Variants in USP42 observed in about 807,000 individuals in gnomAD.
USP42 encodes the protein ubiquitin specific peptidase 42.
In USP42, 23 loss-of-function variants were observed where a neutral mutation model predicts 113.0. That is an observed-to-expected ratio of 0.20 (90% CI 0.15 to 0.29). The LOEUF is 0.29. Among genes scored for constraint, USP42 ranks in the 10% least tolerant of loss-of-function variants. The pLI is 1.00. For missense variants in USP42, 2,174 were observed against 1,779.8 expected (o/e 1.22, Z -3.99); for synonymous variants, 933 against 699.0 (o/e 1.33, Z -5.28).
intron 3 of USP42, among the ~76,000 whole-genome samples, chr7:6,130,921 C>T (rs1171356746): frequency 6.6e-6 from 1 of 152,056 alleles, no homozygotes; most frequent in Non-Finnish European, 1.5e-5. Context: ...CAGGGTAGGG[C>T]AGGGGGAAGA....
chr7:6,086,202 AT>A, the USP42 span, among the ~76,000 whole-genome samples: 1,211 of 122,638 alleles, frequency 9.9e-3, 10 homozygotes, highest in Middle Eastern at 0.034. Context: ...CACCTGGCTA[AT>A]TTTTTTTTTT....
At chr7:6,149,393 CTA>C (rs1160257296) in intron 12 of USP42, among the ~76,000 whole-genome samples, 188 bp from the exon 13 acceptor site, 1 of 151,450 alleles carries the variant, frequency 6.6e-6, no homozygotes. Flanking sequence ...TGCCAGAAAA[CTA>C]GGGCCTGTGG....
At chr7:6,084,071 G>C in the USP42 span, among the ~76,000 whole-genome samples, 1 of 151,320 alleles carries the variant, frequency 6.6e-6, no homozygotes, top group Non-Finnish European at 1.5e-5. Context: ...CTGTCACCCA[G>C]GCTGGAGTGC....
intron 1 of USP42, among the ~76,000 whole-genome samples, chr7:6,108,265 C>T (rs1033057094): frequency 6.6e-6 from 1 of 152,082 alleles, no homozygotes; most frequent in African/African-American, 2.4e-5. Context: ...TGGCCAGGTT[C>T]TGTGGCTCAT....
chr7:6,109,423 G>A (rs1779469512), intron 1 of USP42, among the ~76,000 whole-genome samples: 1 of 152,136 alleles, frequency 6.6e-6, no homozygotes, highest in Non-Finnish European at 1.5e-5. Flanking sequence ...TTGAGGCAGA[G>A]TCTCTCTATG....
Position 6,156,666 on chromosome 7 carries a change from G to A in USP42, c.3642-88G>A, listed in dbSNP as rs544309817. 57 of 1,447,260 alleles carry A rather than the reference G, an allele frequency of 3.9e-5. 1 individual carries two copies. The South Asian group carries it at 7.1e-4, about 18-fold the overall frequency. 89.7% of individuals were successfully genotyped at this position (1,447,260 alleles called of 1,614,324 possible). On this transcript the variant is annotated intron_variant, in intron 15 of 17. Transcript: ENST00000306177. ...GCGTGTCTGCACAGTGAATGTTCTC[G>A]GTGAATGGGTGGAAAGGCCAAGCTC...
chr7:6,150,494 C>T lies in USP42; in HGVS notation c.2189C>T (p.Thr730Met), dbSNP rs117155332. The T allele has an allele frequency of 1.9e-4, 307 of 1,613,866 alleles. No homozygotes were observed. Among genetic ancestry groups the T allele is most frequent in the Non-Finnish European group, 2.3e-4 (266 of 1,179,822 alleles). The change falls in exon 14 of 18, where the codon ACG becomes ATG. Residue 730 changes from threonine to methionine, a missense_variant. Transcript: ENST00000306177. ...FRLSNKLKGS[T>M]DEMSAPGAER... ...CTTAGCAACAAACTGAAAGGCTCGA[C>T]GGATGAAATGAGGTAACGTAAGAGT...
rs542970015 is a variant in USP42, at chr7:6,126,139, C to A, written c.443-9702C>A. Among the ~76,000 whole-genome samples, 7 of 152,330 alleles carry A rather than the reference C, an allele frequency of 4.6e-5. No homozygotes were observed. In the South Asian group the frequency reaches 6.2e-4, roughly 14 times the overall value. On this transcript the variant is annotated intron_variant, in intron 3 of 17. Transcript: ENST00000306177. ...CATTTCTATGATTTTGTCATTTCAA[C>A]AGTGTTACGTGAATTATATAGTATG...
In USP42 at chr7:6,157,174, A is replaced by G. The variant is rs1218257274; in HGVS notation, c.3943+119A>G. On this transcript the variant is annotated intron_variant, in intron 16 of 17. Transcript: ENST00000306177. The surrounding 1 kb of genome is among the most constrained non-coding windows in gnomAD (Gnocchi z 4.1). ...GTGGCATCAAAGGGCACAGTTACTC[A>G]GAGCACCCCTGCCCTGCCTGGTCTG... is the stretch of plus-strand genomic sequence containing the variant. The G allele has an allele frequency of 3.3e-5, 48 of 1,439,532 alleles. No homozygotes were observed. The East Asian group carries it at 1.2e-3, about 35-fold the overall frequency. The allele number at this position is 1,439,532 out of a possible 1,614,324, so 89.2% of individuals were successfully genotyped here.
chr7:6,114,904 A>G (rs1779831271), intron 2 of USP42, among the ~76,000 whole-genome samples: 1 of 151,258 alleles, frequency 6.6e-6, no homozygotes, highest in Non-Finnish European at 1.5e-5. Context: ...GTTAGCCAGG[A>G]TGGTCTCGAT....
At chr7:6,109,320 T>C (rs1219231683) in intron 1 of USP42, among the ~76,000 whole-genome samples, 1 of 152,096 alleles carries the variant, frequency 6.6e-6, no homozygotes, top group Non-Finnish European at 1.5e-5. Flanking sequence ...GGTCAGACAA[T>C]GTGAAGTCCA....
chr7:6,095,234 C>A, the USP42 span, among the ~76,000 whole-genome samples: 10 of 151,186 alleles, frequency 6.6e-5, no homozygotes, highest in Non-Finnish European at 1.0e-4. Flanking sequence ...TGGGTCAGGA[C>A]CAAAGGTATT....
At chr7:6,143,087 G>A in intron 8 of USP42, 73 bp downstream of exon 8, 4 of 1,509,082 alleles carry the variant, frequency 2.7e-6, no homozygotes, top group Non-Finnish European at 3.7e-6. Context: ...TGGTTTGAGA[G>A]AGTTTGGTGT....
chr7:6,124,371 G>C (rs1447590642), intron 3 of USP42, among the ~76,000 whole-genome samples: 5 of 152,098 alleles, frequency 3.3e-5, no homozygotes, highest in Non-Finnish European at 7.4e-5. Flanking sequence ...AGGTTCAAGT[G>C]ATTCTTCTGC....
rs1290394294 is a variant in USP42 at position 6,157,037 on chromosome 7, C to T, written c.3925C>T (p.Leu1309Phe). Reference protein sequence around the residue: ...RMESRDDRCRLFEYGQGD With the variant: ...RMESRDDRCRFFEYGQGD ...GGAAAGCAGGGATGACAGGTGTCGT[C>T]TCTTTGAGTATGGCCAGGGTAAGAG... The change falls in exon 16 of 18, where the codon CTC (leucine) becomes TTC (phenylalanine). Residue 1309 changes from leucine (L) to phenylalanine (F), a missense_variant. Leu to Phe is a conservative substitution (Grantham distance 22). Transcript: ENST00000306177. The surrounding 1 kb of genome is among the most constrained non-coding windows in gnomAD (Gnocchi z 4.1). 1.2e-6 allele frequency: 2 copies of T among 1,608,298 alleles called. No individual in the cohort carries two copies. Among genetic ancestry groups the T allele is most frequent in the African/African-American group, 1.3e-5 (1 of 74,634 alleles).
chr7:6,152,349 A>G (rs1347563911), intron 14 of USP42, among the ~76,000 whole-genome samples: 1 of 152,226 alleles, frequency 6.6e-6, no homozygotes, highest in Non-Finnish European at 1.5e-5. Flanking sequence ...AGATTTATAT[A>G]CTGGGTGCCT....
chr7:6,108,235 A>G (rs1274371751), intron 1 of USP42, among the ~76,000 whole-genome samples: 1 of 152,234 alleles, frequency 6.6e-6, no homozygotes, highest in East Asian at 1.9e-4. Flanking sequence ...AACAAAATTG[A>G]TGCTTTTAAA....
chr7:6,121,238 A>G (rs1305470933), intron 3 of USP42, among the ~76,000 whole-genome samples: 2 of 152,152 alleles, frequency 1.3e-5, no homozygotes, highest in South Asian at 2.1e-4. Flanking sequence ...CTTAGAGGAA[A>G]AGCATTCAGT....
At chr7:6,109,537 G>T (rs1358185744) in intron 1 of USP42, among the ~76,000 whole-genome samples, 2 of 152,080 alleles carry the variant, frequency 1.3e-5, no homozygotes, top group African/African-American at 4.8e-5. Context: ...GGGAATACAG[G>T]CGTGCGCCAC....
Sources: gnomAD v4.1 joint callset for allele counts (sites outside exome capture counted in the v4.1 genomes callset) on GRCh38, gnomAD v4.1.1 for gene constraint, Gnocchi (gnomAD v3.1) non-coding constraint, MANE v1.5 for transcripts, NCBI Gene and HGNC (gene_info 2026-07-23, HGNC 2026-07-21) for gene names.